HDAC9: variants seen among roughly 807,000 people sequenced by gnomAD.
HDAC9 encodes the protein histone deacetylase 9.
HDAC9 carries 41 observed loss-of-function variants against 139.4 expected under a neutral mutation model. That is an observed-to-expected ratio of 0.29 (90% confidence interval 0.23 to 0.38). The LOEUF is 0.38. HDAC9 is among the 10% of genes least tolerant of loss of function. The probability of loss-of-function intolerance (pLI) is 1.00; values close to 1 mark genes in which losing one functional copy is unlikely to be tolerated. For missense variants in HDAC9, 1,147 were observed against 1,297.0 expected, an observed-to-expected ratio of 0.88 and a Z score of 1.78; for synonymous variants, 517 against 476.2, an observed-to-expected ratio of 1.09 and a Z score of -1.12.
chr7:18,523,795 G>A (rs1030061604), intron 2 of HDAC9, among the ~76,000 whole-genome samples: 8 of 152,116 alleles, frequency 5.3e-5, no homozygotes, highest in African/African-American at 1.9e-4. Flanking sequence ...TAATTTTTAT[G>A]AAGGTAAGAT....
intron 1 of HDAC9, among the ~76,000 whole-genome samples, chr7:18,413,664 GAATT>G (rs2128746414): frequency 6.6e-6 from 1 of 152,094 alleles, no homozygotes; most frequent in African/African-American, 2.4e-5. Context: ...CAAAATTTTT[GAATT>G]AATTGTATAC....
chr7:18,519,688 T>C (rs890988168), intron 2 of HDAC9, among the ~76,000 whole-genome samples: 1 of 152,098 alleles, frequency 6.6e-6, no homozygotes, highest in African/African-American at 2.4e-5. Context: ...CAGCATAAAT[T>C]GGCAGTACTA....
chr7:18,436,055 C>G (rs946403856), intron 1 of HDAC9, among the ~76,000 whole-genome samples: 1 of 151,658 alleles, frequency 6.6e-6, no homozygotes, highest in East Asian at 1.9e-4. Context: ...TGAGCTCAGG[C>G]AATCCACCTG....
At chr7:18,680,308 TGAG>T (rs1020862142) in intron 12 of HDAC9, among the ~76,000 whole-genome samples, 3 of 152,128 alleles carry the variant, frequency 2.0e-5, no homozygotes, top group African/African-American at 2.4e-5. Flanking sequence ...AGTTGCGTAA[TGAG>T]GAGGAAGAAA....
chr7:18,956,287 T>C (rs749247808), intron 24 of HDAC9, among the ~76,000 whole-genome samples: 15 of 152,162 alleles, frequency 9.9e-5, no homozygotes, highest in Non-Finnish European at 2.1e-4. Flanking sequence ...AATGCCATAA[T>C]TTCTCAAGAC....
chr7:18,609,717 G>C (rs973552508), intron 6 of HDAC9, among the ~76,000 whole-genome samples: 5 of 151,932 alleles, frequency 3.3e-5, no homozygotes, highest in African/African-American at 1.2e-4. Context: ...TGCCATGTTG[G>C]TGTGCTGCAC....
At chr7:18,818,982 A>T (rs114120564) in intron 17 of HDAC9, among the ~76,000 whole-genome samples, 2,053 of 146,770 alleles carry the variant, frequency 0.014, 49 homozygotes, top group African/African-American at 0.048. Flanking sequence ...ATATGAAATT[A>T]AAAAAAAAAA....
At chr7:18,294,679 A>G (rs572465300) in intron 1 of HDAC9, among the ~76,000 whole-genome samples, 68 of 152,274 alleles carry the variant, frequency 4.5e-4, no homozygotes, top group African/African-American at 1.6e-3. Context: ...TGCAAGTGCA[A>G]TCAGAAGTGA....
intron 25 of HDAC9, among the ~76,000 whole-genome samples, chr7:18,979,353 A>G (rs569383553): frequency 6.6e-6 from 1 of 152,286 alleles, no homozygotes; most frequent in East Asian, 1.9e-4. Flanking sequence ...ATATACATTC[A>G]TATCTAATGT....
chr7:18,662,190 T>C (rs1334334902), intron 11 of HDAC9, among the ~76,000 whole-genome samples: 1 of 152,148 alleles, frequency 6.6e-6, no homozygotes, highest in East Asian at 1.9e-4. Flanking sequence ...TTTTGTGTTA[T>C]TTCCCTTTCT....
chr7:18,693,169 G>A (rs1782792826), intron 12 of HDAC9, among the ~76,000 whole-genome samples: 1 of 151,660 alleles, frequency 6.6e-6, no homozygotes, highest in East Asian at 1.9e-4. Flanking sequence ...TAAAGTCCTG[G>A]GACTCACAGA....
At chr7:18,598,099 A>T (rs1832963212) in intron 6 of HDAC9, among the ~76,000 whole-genome samples, 1 of 152,128 alleles carries the variant, frequency 6.6e-6, no homozygotes, top group African/African-American at 2.4e-5. Flanking sequence ...TAAAAAACAC[A>T]ATAATTATTT....
Position 18,732,896 on chromosome 7 carries a change from C to CACACACGTGTGCGTATGTGTACAT in HDAC9, c.1909+5160_1909+5161insCATACACACGTGTGCGTATGTGTA, listed in dbSNP as rs1786384445. 1.5e-4 allele frequency among the ~76,000 whole-genome samples: 13 copies of CACACACGTGTGCGTATGTGTACAT among 87,496 alleles called. 1 individual carries two copies. The allele number at this position is 87,496 out of a possible 152,430, so 57.4% of individuals were successfully genotyped here. A position where few individuals can be genotyped will look rare whatever the true frequency, so the allele number is the denominator to read the frequency against. On this transcript the variant is annotated intron_variant, in intron 13 of 25. Transcript: ENST00000686413. Reference sequence around the variant, plus strand: ...ACACACACGTGTGCGTATGTGTACACACACACGTGTGCGTATGTGTATACA... The same window carrying CACACACGTGTGCGTATGTGTACAT: ...ACACACACGTGTGCGTATGTGTACACACACACGTGTGCGTATGTGTACATACACACGTGTGCGTATGTGTATACA...
At chr7:18,658,703 C>G (rs1483435056) in intron 11 of HDAC9, among the ~76,000 whole-genome samples, 1 of 151,994 alleles carries the variant, frequency 6.6e-6, no homozygotes, top group African/African-American at 2.4e-5. Flanking sequence ...GAGTTCTACT[C>G]CAAGTAGACC....
At chr7:18,489,953 C>T (rs972370906) in intron 1 of HDAC9, among the ~76,000 whole-genome samples, 1 of 152,004 alleles carries the variant, frequency 6.6e-6, no homozygotes, top group East Asian at 1.9e-4. Flanking sequence ...GAGTACAATG[C>T]TGCTCTCATT....
At chr7:18,883,852 A>G (rs1250486302) in intron 22 of HDAC9, among the ~76,000 whole-genome samples, 6 of 152,132 alleles carry the variant, frequency 3.9e-5, no homozygotes, top group Admixed American at 3.9e-4. Flanking sequence ...CTTGCAGAAT[A>G]TAATATTAAC....
Position 18,832,725 on chromosome 7 carries a change from A to C in HDAC9, c.2467-2742A>C, listed in dbSNP as rs181686092. On this transcript the variant is annotated intron_variant, in intron 19 of 25. Coordinates refer to ENST00000686413, the MANE Select transcript of HDAC9 (RefSeq NM_178425.4). ...TTACAGCAAGGAAAACAAACAAAAAAATGATATATATATATTTTTTTTTTC... is the reference window on the plus strand; with the variant it reads ...TTACAGCAAGGAAAACAAACAAAAACATGATATATATATATTTTTTTTTTC... Among the ~76,000 whole-genome samples, 507 of 133,072 alleles carry C rather than the reference A, an allele frequency of 3.8e-3. 2 individuals carry two copies. Among genetic ancestry groups the C allele is most frequent in the Non-Finnish European group, 5.6e-3 (336 of 60,450 alleles). 87.3% of individuals were successfully genotyped at this position (133,072 alleles called of 152,430 possible). A position where few individuals can be genotyped will look rare whatever the true frequency, so the allele number is the denominator to read the frequency against.
intron 16 of HDAC9, among the ~76,000 whole-genome samples, chr7:18,776,881 G>T (rs1313200117): frequency 6.6e-6 from 1 of 151,950 alleles, no homozygotes; most frequent in African/African-American, 2.4e-5. Flanking sequence ...AGAGTTTGGG[G>T]ACCCCATCTC....
intron 2 of HDAC9, among the ~76,000 whole-genome samples, chr7:18,273,915 T>C (rs1562822460): frequency 6.6e-6 from 1 of 152,136 alleles, no homozygotes; most frequent in Non-Finnish European, 1.5e-5. Flanking sequence ...ATTGACAAAA[T>C]TGTGAAGTTC....
Sources: gnomAD v4.1 joint callset for allele counts (sites outside exome capture counted in the v4.1 genomes callset) on GRCh38, gnomAD v4.1.1 for gene constraint, MANE v1.5 for transcripts, NCBI Gene and HGNC (gene_info 2026-07-23, HGNC 2026-07-21) for gene names.